Variants in CALD1 observed in about 807,000 individuals in gnomAD.
CALD1 encodes the protein caldesmon 1.
Under a neutral mutation model 99.9 loss-of-function variants are expected in CALD1, and 33 were observed. The ratio of observed to expected loss-of-function variants is 0.33; its 90% CI spans 0.25 to 0.44. The LOEUF is 0.44. Among genes scored for constraint, CALD1 ranks in the 20% least tolerant of loss-of-function variants. The pLI is 1.00. For synonymous variants in CALD1, 310 were observed against 325.0 expected (o/e 0.95, Z 0.50); for missense variants, 861 against 962.1 (o/e 0.89, Z 1.39).
chr7:134,813,107 T>C (rs1419125136), intron 1 of CALD1, among the ~76,000 whole-genome samples: 1 of 152,184 alleles, frequency 6.6e-6, no homozygotes, highest in African/African-American at 2.4e-5. Flanking sequence ...GAATTGAGAA[T>C]TGATCATTGG....
the CALD1 span, among the ~76,000 whole-genome samples, chr7:134,711,676 A>ATGTGTG: frequency 2.8e-5 from 2 of 70,456 alleles, no homozygotes; most frequent in African/African-American, 8.8e-5. Flanking sequence ...ATATATATAT[A>ATGTGTG]TATATGTGTG....
In CALD1 at chr7:134,857,431, A is replaced by G. The variant is rs1404959922; in HGVS notation, c.-41-10262A>G. On this transcript the variant is annotated intron_variant, in intron 2 of 14. Coordinates refer to ENST00000361675, the MANE Select transcript of CALD1 (RefSeq NM_033138.4). ...CTCGGCCTCCCAAAGTGCTGGGATTACAAGCGTGAGCCACCGCGCCCGGCC... is the reference window on the plus strand; with the variant it reads ...CTCGGCCTCCCAAAGTGCTGGGATTGCAAGCGTGAGCCACCGCGCCCGGCC... Among the ~76,000 whole-genome samples the G allele has an allele frequency of 2.6e-5, 4 of 151,930 alleles. No individual in the cohort carries two copies. In the South Asian group the frequency reaches 8.3e-4, roughly 32 times the overall value.
At chr7:134,912,648 A>G (rs749239799) in intron 3 of CALD1, among the ~76,000 whole-genome samples, 2 of 152,232 alleles carry the variant, frequency 1.3e-5, no homozygotes, top group Non-Finnish European at 2.9e-5. Context: ...GGTGAAAAAG[A>G]TGTAAACATG....
chr7:134,717,872 C>T, the CALD1 span, among the ~76,000 whole-genome samples: 6 of 152,026 alleles, frequency 3.9e-5, no homozygotes, highest in Non-Finnish European at 7.4e-5. Context: ...CATATATTTC[C>T]GATTTTTAGC....
the CALD1 span, among the ~76,000 whole-genome samples, chr7:134,724,802 G>A: frequency 2.6e-5 from 4 of 152,142 alleles, no homozygotes; most frequent in Non-Finnish European, 5.9e-5. Context: ...ACTCCTCCAG[G>A]GGGAGCTCCA....
chr7:134,802,075 T>A (rs1327310480), intron 1 of CALD1, among the ~76,000 whole-genome samples: 1 of 151,080 alleles, frequency 6.6e-6, no homozygotes, highest in Non-Finnish European at 1.5e-5. Flanking sequence ...ATATTCAGAT[T>A]TTAAGTGTAA....
chr7:134,944,611 A>G (rs1174936458), intron 7 of CALD1: 8 of 152,162 alleles, frequency 5.3e-5, no homozygotes, highest in Non-Finnish European at 1.0e-4. Context: ...CTTGTTTCAC[A>G]GCTAGAAACA....
Position 134,956,851 on chromosome 7 carries a change from G to A in CALD1, c.1936-1218G>A, listed in dbSNP as rs1229361618. Among the ~76,000 whole-genome samples the A allele has an allele frequency of 3.3e-5, 5 of 152,220 alleles. No homozygotes were observed. The East Asian group carries it at 9.6e-4, about 29-fold the overall frequency. On this transcript the variant is annotated intron_variant, in intron 9 of 14. Coordinates refer to ENST00000361675, the MANE Select transcript of CALD1 (RefSeq NM_033138.4). ...TGGTATTGATAGGTGATGGGTGGTA[G>A]AGGATATTTCTAGCCTGGAGTTGGG...
chr7:134,839,866 T>C (rs1586077330), intron 1 of CALD1, among the ~76,000 whole-genome samples: 1 of 152,274 alleles, frequency 6.6e-6, no homozygotes, highest in East Asian at 1.9e-4. Context: ...ATTTATTTTT[T>C]AGTTGTTGGC....
At chr7:134,883,062 TTAAAA>T (rs1168398535) in intron 3 of CALD1, among the ~76,000 whole-genome samples, 1 of 152,200 alleles carries the variant, frequency 6.6e-6, no homozygotes, top group African/African-American at 2.4e-5. Flanking sequence ...AAATTTGTAA[TTAAAA>T]TAAAGTTAGT....
At chr7:134,775,107 A>G (rs1796907047), upstream of CALD1, among the ~76,000 whole-genome samples, 1 of 152,150 alleles carries the variant, frequency 6.6e-6, no homozygotes, top group Non-Finnish European at 1.5e-5. Context: ...AGTGTGTAGT[A>G]GAAACTTTGA....
intron 1 of CALD1, among the ~76,000 whole-genome samples, chr7:134,815,138 C>T (rs1378485862): frequency 6.6e-6 from 1 of 152,104 alleles, no homozygotes; most frequent in Non-Finnish European, 1.5e-5. Flanking sequence ...ACTGTGTCCT[C>T]ATCATGTCCG....
upstream of CALD1, among the ~76,000 whole-genome samples, chr7:134,778,488 T>C (rs1285460750): frequency 2.0e-5 from 3 of 152,164 alleles, no homozygotes; most frequent in Non-Finnish European, 4.4e-5. Flanking sequence ...CAATGAGACA[T>C]AGATCTTGCA....
intron 2 of CALD1, among the ~76,000 whole-genome samples, chr7:134,850,460 G>A (rs1422740078): frequency 2.0e-5 from 3 of 152,112 alleles, no homozygotes; most frequent in Non-Finnish European, 4.4e-5. Context: ...CACCTTCTCT[G>A]GGCCTCTGTC....
chr7:134,963,831 A>T (rs1808460111), intron 13 of CALD1, among the ~76,000 whole-genome samples: 1 of 152,200 alleles, frequency 6.6e-6, no homozygotes, highest in Non-Finnish European at 1.5e-5. Context: ...GGTTCTACTG[A>T]TCCACTTCTG....
Position 134,968,805 on chromosome 7 carries a change from A to G in CALD1, c.*460A>G, listed in dbSNP as rs181628968. On this transcript the variant is annotated 3_prime_UTR_variant, in exon 15 of 15. Transcript: ENST00000361675. ...AATTATCTTAGTAGGCAATTGTAAC[A>G]CTTTTTGAAAGTAACCCATTTCAGA... The G allele has an allele frequency of 9.1e-5, 19 of 209,580 alleles. No homozygotes were observed. Among genetic ancestry groups the G allele is most frequent in the African/African-American group, 4.0e-4 (18 of 44,548 alleles). 13.0% of individuals were successfully genotyped at this position (209,580 alleles called of 1,614,324 possible).
the CALD1 span, among the ~76,000 whole-genome samples, chr7:134,712,832 G>A: frequency 6.6e-6 from 1 of 152,148 alleles, no homozygotes; most frequent in Non-Finnish European, 1.5e-5. Context: ...GCCTTCGAGT[G>A]GGGTTTACAT....
At chr7:134,848,468 T>C (rs1464588260) in intron 2 of CALD1, among the ~76,000 whole-genome samples, 2 of 152,202 alleles carry the variant, frequency 1.3e-5, no homozygotes, top group Non-Finnish European at 2.9e-5. Context: ...GAAAACACTT[T>C]GCTAAAGAGC....
At chr7:134,787,385 G>GA (rs1163738645) in intron 1 of CALD1, among the ~76,000 whole-genome samples, 6 of 152,012 alleles carry the variant, frequency 3.9e-5, no homozygotes, top group East Asian at 1.9e-4. Flanking sequence ...GAATCTAGGA[G>GA]AAAAAAAATT....
Sources: allele counts gnomAD v4.1 joint callset (sites outside exome capture counted in the v4.1 genomes callset), GRCh38; gene constraint gnomAD v4.1.1; transcripts MANE v1.5; gene names NCBI Gene and HGNC (gene_info 2026-07-23, HGNC 2026-07-21).